The following SYNPO2 variants were observed in gnomAD, a reference collection of about 807,000 sequenced individuals.
SYNPO2 encodes synaptopodin 2.
In SYNPO2, 56 loss-of-function variants were observed where a neutral mutation model predicts 85.0. The observed-to-expected ratio is 0.66, with a 90% CI of 0.53 to 0.82. The LOEUF is 0.82. Among genes scored for constraint, SYNPO2 ranks in the 40% least tolerant of loss-of-function variants. The probability of loss-of-function intolerance (pLI) is 0.00; values close to 1 mark genes in which losing one functional copy is unlikely to be tolerated. For synonymous variants in SYNPO2, 602 were observed against 591.1 expected, an observed-to-expected ratio of 1.02 and a Z score of -0.27; for missense variants, 1,575 against 1,534.2, an observed-to-expected ratio of 1.03 and a Z score of -0.44.
Position 119,030,574 on chromosome 4 carries a change from C to A in SYNPO2, c.1799C>A (p.Ala600Asp). ...KPFPGSVNQP[A>D]TPFSPTRNMT... ...TTCCCAGGGTCTGTGAATCAGCCAG[C>A]TACCCCCTTCTCGCCAACCCGAAAC... The change falls in exon 4 of 5, where the codon GCT (alanine) becomes GAT (aspartate). Residue 600 changes from alanine (A) to aspartate (D), a missense_variant. By Grantham distance (126) the Ala-to-Asp change is moderately radical. Transcript: ENST00000307142. The A allele has an allele frequency of 1.9e-6, 3 of 1,614,164 alleles. No homozygotes were observed. The highest frequency in any genetic ancestry group is 2.5e-6 in the Non-Finnish European group (3 of 1,180,032).
chr4:119,057,949 G>T lies in SYNPO2; in HGVS notation c.*15G>T. 1 of 1,596,170 alleles carries T rather than the reference G, an allele frequency of 6.3e-7. No homozygotes were observed. Among genetic ancestry groups the T allele is most frequent in the South Asian group, 1.1e-5 (1 of 88,198 alleles). ...GCCAAACATGAAAGTTAGAAGAACG[G>T]ATCATGTGCCAACTGTAGTTTTTTA... On this transcript the variant is annotated 3_prime_UTR_variant, in exon 5 of 5. Transcript: ENST00000307142.
intron 1 of SYNPO2, among the ~76,000 whole-genome samples, chr4:119,006,769 C>T (rs41459645): frequency 0.017 from 2,617 of 152,220 alleles, 69 homozygotes; most frequent in African/African-American, 0.06. Flanking sequence ...GCTGCTCTAA[C>T]TTAGCTGTTG....
chr4:118,867,734 A>T (rs1306426261), intron 1 of SYNPO2, among the ~76,000 whole-genome samples: 1 of 113,940 alleles, frequency 8.8e-6, no homozygotes, highest in East Asian at 3.0e-4. Context: ...CTTGGTCAAA[A>T]CAATTTTCTC....
intron 1 of SYNPO2, among the ~76,000 whole-genome samples, chr4:118,979,083 G>A (rs1358532786): frequency 2.0e-5 from 3 of 152,020 alleles, no homozygotes; most frequent in African/African-American, 4.8e-5. Context: ...CTTTCCAATC[G>A]TTCTGTGCAT....
rs747614790 is a variant in SYNPO2, at chr4:118,963,738, ATGATT to A, written c.106-59690_106-59686del. ...AAAATTAGTTTTAGTACATGCTGTT[ATGATT>A]TATTTCCATAGTCTATAAAACTTTA... On this transcript the variant is annotated intron_variant, in intron 1 of 4. Transcript: ENST00000307142. Among the ~76,000 whole-genome samples the A allele has an allele frequency of 7.2e-5, 11 of 152,376 alleles. No homozygotes were observed. The East Asian group carries it at 2.1e-3, about 29-fold the overall frequency.
At chr4:118,979,675 A>G (rs1735935251) in intron 1 of SYNPO2, among the ~76,000 whole-genome samples, 1 of 152,244 alleles carries the variant, frequency 6.6e-6, no homozygotes, top group African/African-American at 2.4e-5. Context: ...CTATATTTTC[A>G]GCACAATGAC....
chr4:118,969,428 C>T (rs926757516), intron 1 of SYNPO2, among the ~76,000 whole-genome samples: 2 of 152,014 alleles, frequency 1.3e-5, no homozygotes, highest in East Asian at 1.9e-4. Context: ...GTTTCTCTCC[C>T]GATGGTAATA....
intron 1 of SYNPO2, among the ~76,000 whole-genome samples, chr4:118,921,763 C>T (rs1430175500): frequency 6.7e-6 from 1 of 148,818 alleles, no homozygotes; most frequent in African/African-American, 2.5e-5. Context: ...AAATTGCTTA[C>T]AGTTACTTTT....
intron 1 of SYNPO2, among the ~76,000 whole-genome samples, chr4:118,881,277 G>A (rs953314517): frequency 6.6e-6 from 1 of 150,496 alleles, no homozygotes; most frequent in Non-Finnish European, 1.5e-5. Flanking sequence ...ACTCCAGCCT[G>A]GGCGACAGAG....
At chr4:118,875,057 G>A (rs1731878716) in intron 1 of SYNPO2, among the ~76,000 whole-genome samples, 1 of 152,134 alleles carries the variant, frequency 6.6e-6, no homozygotes, top group Non-Finnish European at 1.5e-5. Flanking sequence ...CCCACCACGT[G>A]TCCATATGTT....
intron 1 of SYNPO2, among the ~76,000 whole-genome samples, chr4:119,000,594 A>G (rs1314607697): frequency 1.3e-5 from 2 of 152,152 alleles, no homozygotes; most frequent in Admixed American, 6.5e-5. Context: ...CTTCTCGGCA[A>G]TGTGGCATGG....
chr4:118,953,714 C>T (rs1734773440), intron 1 of SYNPO2, among the ~76,000 whole-genome samples: 1 of 152,026 alleles, frequency 6.6e-6, no homozygotes, highest in Admixed American at 6.6e-5. Context: ...TGTATAACTG[C>T]AAAATCACAA....
At chr4:119,020,521 A>G (rs1252853759) in intron 1 of SYNPO2, among the ~76,000 whole-genome samples, 5 of 152,160 alleles carry the variant, frequency 3.3e-5, no homozygotes, top group African/African-American at 1.2e-4. Context: ...TTCTTCTGCA[A>G]TCCCAGTTTA....
upstream of SYNPO2, among the ~76,000 whole-genome samples, chr4:118,888,468 A>G (rs959126124): frequency 6.6e-6 from 1 of 152,172 alleles, no homozygotes; most frequent in African/African-American, 2.4e-5. Context: ...TTCCATTCAT[A>G]AATGTGGCAA....
intron 1 of SYNPO2, among the ~76,000 whole-genome samples, chr4:119,010,239 C>T (rs1290220361): frequency 6.6e-6 from 1 of 152,150 alleles, no homozygotes; most frequent in Non-Finnish European, 1.5e-5. Context: ...GTGTATTAGT[C>T]TGTTTTCACA....
intron 1 of SYNPO2, among the ~76,000 whole-genome samples, chr4:118,852,052 G>T (rs1160555575): frequency 6.6e-6 from 1 of 152,056 alleles, no homozygotes; most frequent in Non-Finnish European, 1.5e-5. Flanking sequence ...ATACAATTTG[G>T]TGAATTTGAA....
At position 118,863,685 on chromosome 4, in the gene SYNPO2, C is replaced by T. The variant is rs1560802286; in HGVS notation, c.12+12745C>T. Among the ~76,000 whole-genome samples the T allele has an allele frequency of 2.6e-5, 4 of 152,162 alleles. No homozygotes were observed. In the South Asian group the frequency reaches 8.3e-4, roughly 32 times the overall value. ...GGAGTGCAGTGGCGTGATCCTGGCT[C>T]ACTGCAACCTCCACCTCCCAGGTTC... On this transcript the variant is annotated intron_variant, in intron 1 of 4. Transcript: ENST00000610556.
intron 1 of SYNPO2, among the ~76,000 whole-genome samples, chr4:118,939,561 T>C (rs1734230766): frequency 6.6e-6 from 1 of 152,194 alleles, no homozygotes; most frequent in African/African-American, 2.4e-5. Flanking sequence ...GAGATTCCGT[T>C]TTGTAATTCT....
At chr4:118,859,773 C>A (rs1317374896) in intron 1 of SYNPO2, among the ~76,000 whole-genome samples, 1 of 152,202 alleles carries the variant, frequency 6.6e-6, no homozygotes, top group Non-Finnish European at 1.5e-5. Flanking sequence ...GAATAGTACT[C>A]CATTGTGTAT....
Sources: gnomAD v4.1 joint callset for allele counts (sites outside exome capture counted in the v4.1 genomes callset) on GRCh38, gnomAD v4.1.1 for gene constraint, MANE v1.5 for transcripts, NCBI Gene and HGNC (gene_info 2026-07-23, HGNC 2026-07-21) for gene names.